Variants in DNAJC10 observed in about 807,000 individuals in gnomAD.
DNAJC10 encodes DnaJ heat shock protein family (Hsp40) member C10.
Under a neutral mutation model 115.0 loss-of-function variants are expected in DNAJC10, and 101 were observed. The ratio of observed to expected loss-of-function variants is 0.88; its 90% CI spans 0.75 to 1.04. The LOEUF (loss-of-function observed/expected upper bound fraction) is 1.04, where lower values mean the gene tolerates loss of function less well. Ranked by LOEUF, DNAJC10 falls within the 50% of genes least tolerant of loss-of-function variation. The pLI is 0.00. For missense variants in DNAJC10, 981 were observed against 928.8 expected (o/e 1.06, Z -0.73); for synonymous variants, 307 against 301.5 (o/e 1.02, Z -0.19).
In DNAJC10 at chr2:182,788,437, G is replaced by T; in HGVS notation, c.*11305G>T. 4.7e-6 allele frequency: 1 copy of T among 213,828 alleles called. No homozygotes were observed. The highest frequency in any genetic ancestry group is 9.3e-6 in the Non-Finnish European group (1 of 106,956). 13.2% of individuals were successfully genotyped at this position (213,828 alleles called of 1,614,324 possible). On this transcript the variant is annotated 3_prime_UTR_variant, in exon 24 of 24. Coordinates refer to ENST00000264065, the MANE Select transcript of DNAJC10 (RefSeq NM_018981.4). ...ACCACTTGCAGAAATCAACAGACAAGGTGGATGAGAACTGTAAATCATCAA... is the reference window on the plus strand; with the variant it reads ...ACCACTTGCAGAAATCAACAGACAATGTGGATGAGAACTGTAAATCATCAA...
In DNAJC10 at chr2:182,782,568, C is replaced by CATT. The variant is rs1254373253; in HGVS notation, c.*5437_*5439dup. ...ATCCATGAGCATGGAATGCTTTTTC[C>CATT]ATTTGTTTCTGTCCTCTCTCATTTC... is the stretch of plus-strand genomic sequence containing the variant. On this transcript the variant is annotated 3_prime_UTR_variant, in exon 24 of 24. Transcript: ENST00000264065. 80 of 152,164 alleles carry CATT rather than the reference C, an allele frequency of 5.3e-4. No homozygotes were observed. Among genetic ancestry groups the CATT allele is most frequent in the Non-Finnish European group, 2.9e-5 (2 of 68,004 alleles). 9.4% of individuals were successfully genotyped at this position (152,164 alleles called of 1,614,324 possible).
At position 182,787,869 on chromosome 2, in the gene DNAJC10, C is replaced by G. The variant is rs535625945; in HGVS notation, c.*10737C>G. 2 of 152,168 alleles carry G rather than the reference C, an allele frequency of 1.3e-5. No individual in the cohort carries two copies. Among genetic ancestry groups the G allele is most frequent in the African/African-American group, 4.8e-5 (2 of 41,366 alleles). The allele number at this position is 152,168 out of a possible 1,614,324, so 9.4% of individuals were successfully genotyped here. On this transcript the variant is annotated 3_prime_UTR_variant, in exon 24 of 24. Coordinates refer to ENST00000264065, the MANE Select transcript of DNAJC10 (RefSeq NM_018981.4). ...CCAGGAGGTCCAGGCTGCAGTGAGCCGTGATCACACCACTGCACTCCAGAC... is the reference window on the plus strand; with the variant it reads ...CCAGGAGGTCCAGGCTGCAGTGAGCGGTGATCACACCACTGCACTCCAGAC...
chr2:182,754,847 T>C, intron 16 of DNAJC10, 156 bp from the exon 17 acceptor site: 2 of 1,367,304 alleles, frequency 1.5e-6, no homozygotes, highest in Non-Finnish European at 1.9e-6. Context: ...CATAAGTCCT[T>C]TGCTAAATTT....
chr2:182,751,329 T>G (rs899923827), intron 14 of DNAJC10, among the ~76,000 whole-genome samples: 5 of 151,708 alleles, frequency 3.3e-5, no homozygotes, highest in African/African-American at 1.2e-4. Context: ...GAGACGGGGG[T>G]TTCACCATGT....
intron 22 of DNAJC10, among the ~76,000 whole-genome samples, chr2:182,772,969 G>A (rs1278081147): frequency 6.6e-6 from 1 of 152,194 alleles, no homozygotes; most frequent in African/African-American, 2.4e-5. Context: ...TTTTTGCAAT[G>A]GCTGGTTCCA....
At chr2:182,775,443 A>T in intron 23 of DNAJC10, 23 bp downstream of exon 23, 12 of 1,551,154 alleles carry the variant, frequency 7.7e-6, no homozygotes, top group Non-Finnish European at 1.1e-5. Context: ...CCTAGAGTTG[A>T]CTTTGGCAAA....
Position 182,791,531 on chromosome 2 carries a change from A to C in DNAJC10, c.*14399A>C, listed in dbSNP as rs1337491259. The C allele has an allele frequency of 2.6e-5, 4 of 152,226 alleles. No homozygotes were observed. Among genetic ancestry groups the C allele is most frequent in the Admixed American group, 6.5e-5 (1 of 15,286 alleles). 9.4% of individuals were successfully genotyped at this position (152,226 alleles called of 1,614,324 possible). A position where few individuals can be genotyped will look rare whatever the true frequency, so the allele number is the denominator to read the frequency against. ...GTAGCTCTGTCCATAATGATTATAT[A>C]GTTGTTAGCAAAATATTGGTCAAAA... is the stretch of plus-strand genomic sequence containing the variant. On this transcript the variant is annotated 3_prime_UTR_variant, in exon 24 of 24. Coordinates refer to ENST00000264065, the MANE Select transcript of DNAJC10 (RefSeq NM_018981.4).
rs1693105588 is a variant in DNAJC10 at position 182,719,950 on chromosome 2, A to C, written c.205-57A>C. ...TAATTAAACCTACATATATGTTTTG[A>C]AGAAACTTGGATTGTGTATCTGAAA... On this transcript the variant is annotated intron_variant, in intron 3 of 23. Transcript: ENST00000264065. 9 of 1,068,218 alleles carry C rather than the reference A, an allele frequency of 8.4e-6. No homozygotes were observed. In the South Asian group the frequency reaches 1.4e-4, roughly 17 times the overall value. 66.2% of individuals were successfully genotyped at this position (1,068,218 alleles called of 1,614,324 possible).
intron 3 of DNAJC10, among the ~76,000 whole-genome samples, chr2:182,719,727 G>A (rs555877083): frequency 7.3e-5 from 11 of 151,292 alleles, no homozygotes; most frequent in Non-Finnish European, 1.3e-4. Context: ...GCATTTTTTA[G>A]GAAGAATAAC....
chr2:182,741,839 A>C (rs577645463), intron 13 of DNAJC10, among the ~76,000 whole-genome samples: 5 of 152,298 alleles, frequency 3.3e-5, no homozygotes, highest in Admixed American at 3.3e-4. Context: ...ATATGTGTGC[A>C]CATGCATACA....
In DNAJC10 at chr2:182,786,879, G is replaced by C. The variant is rs887355923; in HGVS notation, c.*9747G>C. ...TTAGGAATGTGAGGCCTTTGGGAAG[G>C]GTTTAAGTCATGAGGGCAGAGACCT... On this transcript the variant is annotated 3_prime_UTR_variant, in exon 24 of 24. Transcript: ENST00000264065. 2 of 152,192 alleles carry C rather than the reference G, an allele frequency of 1.3e-5. No individual in the cohort carries two copies. Among genetic ancestry groups the C allele is most frequent in the Non-Finnish European group, 2.9e-5 (2 of 68,076 alleles). 9.4% of individuals were successfully genotyped at this position (152,192 alleles called of 1,614,324 possible).
rs1282466985 is a variant in DNAJC10 at position 182,718,075 on chromosome 2, A to G, written c.-12A>G. The G allele has an allele frequency of 8.2e-6, 13 of 1,578,226 alleles. No individual in the cohort carries two copies. In the African/African-American group the frequency reaches 1.1e-4, roughly 13 times the overall value. On this transcript the variant is annotated 5_prime_UTR_variant, in exon 3 of 24. Coordinates refer to ENST00000264065, the MANE Select transcript of DNAJC10 (RefSeq NM_018981.4). ...AATGTTCACTTAAATCAGAACTTGCATAAGAAAGAGAATGGGAGTCTGGTT... is the reference window on the plus strand; with the variant it reads ...AATGTTCACTTAAATCAGAACTTGCGTAAGAAAGAGAATGGGAGTCTGGTT...
chr2:182,746,765 T>C (rs1693879297), intron 14 of DNAJC10, among the ~76,000 whole-genome samples: 1 of 152,096 alleles, frequency 6.6e-6, no homozygotes, highest in Admixed American at 6.5e-5. Flanking sequence ...TTGGCTTTTG[T>C]TGCCATTGCT....
intron 20 of DNAJC10, 106 bp downstream of exon 20, chr2:182,758,996 A>T (rs184619824): frequency 9.0e-7 from 1 of 1,105,600 alleles, no homozygotes; most frequent in East Asian, 2.5e-5. Flanking sequence ...CTAGCATTTT[A>T]AATTACTTAG....
chr2:182,741,850 TATTGTAATGGCC>T (rs1380490254), intron 13 of DNAJC10, among the ~76,000 whole-genome samples: 1 of 152,164 alleles, frequency 6.6e-6, no homozygotes, highest in African/African-American at 2.4e-5. Flanking sequence ...CATGCATACA[TATTGTAATGGCC>T]ATTGTAATAG....
chr2:182,767,783 G>C (rs559642765), intron 22 of DNAJC10, among the ~76,000 whole-genome samples: 1 of 151,942 alleles, frequency 6.6e-6, no homozygotes, highest in Non-Finnish European at 1.5e-5. Context: ...CTTTTTTGAG[G>C]TCTGGTCATG....
intron 22 of DNAJC10, among the ~76,000 whole-genome samples, chr2:182,774,766 G>T (rs1025692250): frequency 6.6e-6 from 1 of 152,208 alleles, no homozygotes; most frequent in Admixed American, 6.5e-5. Context: ...GGTTTCCCTT[G>T]GCTAGGAAAG....
intron 9 of DNAJC10, among the ~76,000 whole-genome samples, chr2:182,731,941 T>G (rs1693457883): frequency 6.6e-6 from 1 of 152,308 alleles, no homozygotes; most frequent in African/African-American, 2.4e-5. Flanking sequence ...TTACATTCTC[T>G]GAGATTCTTT....
rs1261743305 is a variant in DNAJC10 at position 182,792,137 on chromosome 2, G to GA, written c.*15011dup. The GA allele has an allele frequency of 6.6e-6, 1 of 152,046 alleles. No individual in the cohort carries two copies. The allele number at this position is 152,046 out of a possible 1,614,324, so 9.4% of individuals were successfully genotyped here. Reference sequence around the variant, plus strand: ...ATACATGTTCAAAGAGTAAATTAAAGAAAAAAGAGATGCTCAAGTCAATTT... The same window carrying GA: ...ATACATGTTCAAAGAGTAAATTAAAGAAAAAAAGAGATGCTCAAGTCAATTT... On this transcript the variant is annotated 3_prime_UTR_variant, in exon 24 of 24. Transcript: ENST00000264065.
Sources: allele counts gnomAD v4.1 joint callset (sites outside exome capture counted in the v4.1 genomes callset), GRCh38; gene constraint gnomAD v4.1.1; transcripts MANE v1.5; gene names NCBI Gene and HGNC (gene_info 2026-07-23, HGNC 2026-07-21).